Variants in PPP1R3A observed in about 807,000 individuals in gnomAD.
PPP1R3A encodes protein phosphatase 1 regulatory subunit 3A.
Under a neutral mutation model 41.7 loss-of-function variants are expected in PPP1R3A, and 29 were observed. The observed-to-expected ratio is 0.70, with a 90% CI of 0.52 to 0.95. The LOEUF is 0.95. Ranked by LOEUF, PPP1R3A falls within the 40% of genes least tolerant of loss-of-function variation. The pLI is 0.00. For missense variants in PPP1R3A, 1,352 were observed against 1,292.4 expected (o/e 1.05, Z -0.71); for synonymous variants, 485 against 453.4 (o/e 1.07, Z -0.89).
rs34746672 is a variant in PPP1R3A at position 113,878,673 on chromosome 7, A to T, written c.2419T>A (p.Leu807Ile). 58 of 1,613,348 alleles carry T rather than the reference A, an allele frequency of 3.6e-5. 1 individual carries two copies. In the Middle Eastern group the frequency reaches 1.7e-3, roughly 46 times the overall value. Residue 807 changes from leucine to isoleucine, a missense_variant, in exon 4 of 4, where the codon TTA becomes ATA. By Grantham distance (5) the Leu-to-Ile change is conservative (BLOSUM62 2). Transcript: ENST00000284601. ...YDNDFEKESR[L>I]GICNVRVDEM... ...TCTACACGTACATTACAAATACCTA[A>T]ACGTGATTCCTTTTCAAAATCATTG... is the stretch of plus-strand genomic sequence containing the variant.
At chr7:113,882,226 G>T in intron 2 of PPP1R3A, 36 bp downstream of exon 2, 1 of 1,576,894 alleles carries the variant, frequency 6.3e-7, no homozygotes, top group Admixed American at 1.7e-5. Flanking sequence ...TCACAAAAGA[G>T]ACAAATTTGG....
chr7:113,889,832 T>C (rs1796847938), intron 1 of PPP1R3A, among the ~76,000 whole-genome samples: 1 of 152,124 alleles, frequency 6.6e-6, no homozygotes, highest in Non-Finnish European at 1.5e-5. Flanking sequence ...TTGTGAAATG[T>C]TGTGCTGGAT....
At chr7:113,885,940 C>T (rs1584814278) in intron 1 of PPP1R3A, among the ~76,000 whole-genome samples, 1 of 147,718 alleles carries the variant, frequency 6.8e-6, no homozygotes, top group Non-Finnish European at 1.5e-5. Context: ...TTATATATAA[C>T]TATGTATATA....
intron 1 of PPP1R3A, among the ~76,000 whole-genome samples, chr7:113,897,962 T>C (rs1484482445): frequency 6.6e-6 from 1 of 151,756 alleles, no homozygotes; most frequent in Non-Finnish European, 1.5e-5. Context: ...GATGCAGTTA[T>C]GTTGATAAGG....
intron 1 of PPP1R3A, among the ~76,000 whole-genome samples, chr7:113,910,065 G>A (rs746366075): frequency 6.6e-6 from 1 of 152,014 alleles, no homozygotes; most frequent in Admixed American, 6.6e-5. Flanking sequence ...CAGCAGGCAA[G>A]ACAGCTTGTG....
chr7:113,881,135 A>G (rs1205935453), intron 3 of PPP1R3A, among the ~76,000 whole-genome samples: 1 of 152,060 alleles, frequency 6.6e-6, no homozygotes, highest in East Asian at 1.9e-4. Flanking sequence ...ACAATGGGTG[A>G]CAACTTTGTA....
chr7:113,882,937 AATTT>A (rs1796719031), intron 1 of PPP1R3A, among the ~76,000 whole-genome samples: 1 of 152,060 alleles, frequency 6.6e-6, no homozygotes, highest in African/African-American at 2.4e-5. Context: ...GCCACAGGCC[AATTT>A]TAAAAGCAAG....
At chr7:113,882,185 G>A (rs1313707650) in intron 2 of PPP1R3A, 22 bp from the exon 3 acceptor site, 4 of 1,607,672 alleles carry the variant, frequency 2.5e-6, no homozygotes, top group Non-Finnish European at 3.4e-6. Flanking sequence ...ATATAATTGT[G>A]CCTATGTAAG....
chr7:113,918,947 T>C lies in PPP1R3A; in HGVS notation c.50A>G (p.Glu17Gly), dbSNP rs2129122233. ...AAGAGAGTCAGATAAATTAGGAACT[T>C]CTAAAAAATTATCTTTGCTAATCTG... ...PSQISKDNFL[E>G]VPNLSDSLCE... The change falls in exon 1 of 4, where the codon GAA (glutamate) becomes GGA (glycine). Residue 17 changes from glutamate (E) to glycine (G), a missense_variant. Transcript: ENST00000284601. The C allele has an allele frequency of 6.2e-7, 1 of 1,612,840 alleles. No homozygotes were observed.
At chr7:113,898,356 T>C (rs1797008591) in intron 1 of PPP1R3A, among the ~76,000 whole-genome samples, 1 of 151,734 alleles carries the variant, frequency 6.6e-6, no homozygotes. Flanking sequence ...AGGGAAGGCC[T>C]CCTGGCAGAG....
intron 1 of PPP1R3A, among the ~76,000 whole-genome samples, chr7:113,899,852 A>C (rs1471787258): frequency 6.6e-5 from 10 of 151,774 alleles, no homozygotes. Context: ...TTACTATATG[A>C]AGTTATGGTT....
intron 1 of PPP1R3A, among the ~76,000 whole-genome samples, chr7:113,903,319 C>A (rs969698683): frequency 3.3e-5 from 5 of 151,524 alleles, no homozygotes; most frequent in African/African-American, 1.2e-4. Context: ...AAAATCTGTG[C>A]AATATATATC....
In PPP1R3A at chr7:113,906,757, T is replaced by C. The variant is rs905106448; in HGVS notation, c.782+11458A>G. Among the ~76,000 whole-genome samples, 7 of 151,848 alleles carry C rather than the reference T, an allele frequency of 4.6e-5. No homozygotes were observed. The East Asian group carries it at 1.4e-3, about 29-fold the overall frequency. Reference sequence around the variant, plus strand: ...ATTAATAGTTTTTCAAAGGTTTTTGTTGGTCACATGGGGACTAATACTTAG... The same window carrying C: ...ATTAATAGTTTTTCAAAGGTTTTTGCTGGTCACATGGGGACTAATACTTAG... On this transcript the variant is annotated intron_variant, in intron 1 of 3. Coordinates refer to ENST00000284601, the MANE Select transcript of PPP1R3A (RefSeq NM_002711.4).
intron 1 of PPP1R3A, among the ~76,000 whole-genome samples, chr7:113,892,833 T>C (rs184431476): frequency 3.3e-5 from 5 of 152,156 alleles, no homozygotes; most frequent in Admixed American, 3.3e-4. Context: ...ATTTAAAAAA[T>C]GTCTTTATAT....
Position 113,877,264 on chromosome 7 carries a change from A to G in PPP1R3A, c.*459T>C, listed in dbSNP as rs200991912. 2.9e-5 allele frequency: 2 copies of G among 67,954 alleles called. No homozygotes were observed. Among genetic ancestry groups the G allele is most frequent in the Non-Finnish European group, 6.8e-5 (2 of 29,400 alleles). The allele number at this position is 67,954 out of a possible 1,614,324, so 4.2% of individuals were successfully genotyped here. On this transcript the variant is annotated 3_prime_UTR_variant, in exon 4 of 4. Transcript: ENST00000284601. ...TGAATCCTGATAAATGATAAATTGA[A>G]CAAATTTCATGTTCAATACTAAAAG...
At position 113,918,204 on chromosome 7, in the gene PPP1R3A, T is replaced by C. The variant is rs1486176508; in HGVS notation, c.782+11A>G. The C allele has an allele frequency of 3.8e-6, 6 of 1,587,276 alleles. No individual in the cohort carries two copies. In the African/African-American group the frequency reaches 4.1e-5, roughly 11 times the overall value. On this transcript the variant is annotated intron_variant, in intron 1 of 3. Coordinates refer to ENST00000284601, the MANE Select transcript of PPP1R3A (RefSeq NM_002711.4). ...ATTGTGAATAATAAAATATGTAAGA[T>C]ATATCCTCACCTTGATTTTACCTTT...
At chr7:113,883,776 T>C (rs988781109) in intron 1 of PPP1R3A, among the ~76,000 whole-genome samples, 2 of 152,014 alleles carry the variant, frequency 1.3e-5, no homozygotes, top group Admixed American at 6.6e-5. Flanking sequence ...ATACTGAAAG[T>C]ATTATTTGTA....
intron 1 of PPP1R3A, among the ~76,000 whole-genome samples, chr7:113,891,684 T>C (rs1468975964): frequency 6.6e-6 from 1 of 152,072 alleles, no homozygotes; most frequent in Non-Finnish European, 1.5e-5. Flanking sequence ...ATGTTAATAT[T>C]ACTGCAGTTT....
chr7:113,918,355 A>G lies in PPP1R3A; in HGVS notation c.642T>C (p.Ser214=). ...TATTATTTGACCAAAATGTACCAAC[A>G]GAAGTTTCATAACGTATACAAAACT... ...KVEFCIRYET[S]VGTFWSNNNG... is the part of the protein sequence containing the mutation. Residue 214 remains serine (S), a synonymous_variant, in exon 1 of 4, where the codon TCT becomes TCC. Transcript: ENST00000284601. 6.2e-7 allele frequency: 1 copy of G among 1,613,428 alleles called. No individual in the cohort carries two copies. Among genetic ancestry groups the G allele is most frequent in the Non-Finnish European group, 8.5e-7 (1 of 1,179,594 alleles).
Sources: gnomAD v4.1 joint callset for allele counts (sites outside exome capture counted in the v4.1 genomes callset) on GRCh38, gnomAD v4.1.1 for gene constraint, MANE v1.5 for transcripts, NCBI Gene and HGNC (gene_info 2026-07-23, HGNC 2026-07-21) for gene names.